KANSL3: variants seen among roughly 807,000 people sequenced by gnomAD.
KANSL3 encodes NSL complex protein NSL3.
Under a neutral mutation model 89.2 loss-of-function variants are expected in KANSL3, and 16 were observed. That is an observed-to-expected ratio of 0.18 (90% CI 0.12 to 0.27). The LOEUF is 0.27. Ranked by LOEUF, KANSL3 falls within the 10% of genes least tolerant of loss-of-function variation. KANSL3 has a pLI of 1.00. For synonymous variants in KANSL3, 385 were observed against 419.7 expected (o/e 0.92, Z 1.01); for missense variants, 879 against 1,110.6 (o/e 0.79, Z 2.96).
chr2:96,600,452 G>A (rs2067017732), intron 20 of KANSL3: 1 of 985,206 alleles, frequency 1.0e-6, no homozygotes, highest in Non-Finnish European at 1.2e-6. Context: ...GCAAAAAAAG[G>A]TAGCTATGAT....
At chr2:96,612,648 T>C (rs1355327219) in intron 7 of KANSL3, 85 bp from the exon 8 acceptor site, 4 of 1,267,602 alleles carry the variant, frequency 3.2e-6, no homozygotes, top group Non-Finnish European at 4.5e-6. Context: ...ACCCAAAACC[T>C]TGGAATTCCA....
intron 20 of KANSL3, chr2:96,600,735 G>A: frequency 1.0e-6 from 1 of 985,416 alleles, no homozygotes; most frequent in African/African-American, 1.7e-5. Context: ...AGAAATATTT[G>A]ACTTGAAAAG....
Position 96,612,345 on chromosome 2 carries a change from G to C in KANSL3, c.1023C>G (p.Ser341Arg), listed in dbSNP as rs376949930. The change falls in exon 9 of 21, where the codon AGC becomes AGG. Residue 341 changes from serine to arginine, a missense_variant. Transcript: ENST00000431828. The part of the protein sequence containing the change: ...AVRSKVLEIH[S>R]HFPHKPIILI... ...AGATAATGGGTTTGTGTGGGAAATG[G>C]CTGTGAATCTTCATGGGAAGAGAAA... The C allele has an allele frequency of 3.7e-6, 6 of 1,613,462 alleles. No individual in the cohort carries two copies. The highest frequency in any genetic ancestry group is 1.7e-5 in the Admixed American group (1 of 60,000).
intron 20 of KANSL3, among the ~76,000 whole-genome samples, chr2:96,598,491 G>C (rs77427837): frequency 6.6e-6 from 1 of 152,090 alleles, no homozygotes; most frequent in South Asian, 2.1e-4. Context: ...TCTTTTGATA[G>C]GGTCTTGTTG....
chr2:96,631,178 TATA>T, intron 3 of KANSL3, 131 bp downstream of exon 3: 1 of 679,618 alleles, frequency 1.5e-6, no homozygotes, highest in South Asian at 1.8e-5. Context: ...AACTGAGAGT[TATA>T]ATGTGAGACT....
chr2:96,618,745 C>G lies in KANSL3; in HGVS notation c.663+614G>C, dbSNP rs114224987. Among the ~76,000 whole-genome samples, 988 of 152,344 alleles carry G rather than the reference C, an allele frequency of 6.5e-3. 5 individuals carry two copies. Among genetic ancestry groups the G allele is most frequent in the Admixed American group, 0.011 (175 of 15,308 alleles). ...CTTACACAGCTAATCAGTAACAAAGCTGAGATCAGCCAGGCAATCTGCCTC... is the reference window on the plus strand; with the variant it reads ...CTTACACAGCTAATCAGTAACAAAGGTGAGATCAGCCAGGCAATCTGCCTC... On this transcript the variant is annotated intron_variant, in intron 5 of 20. Transcript: ENST00000431828.
chr2:96,593,017 G>A (rs1356477529), downstream of KANSL3, among the ~76,000 whole-genome samples: 1 of 151,778 alleles, frequency 6.6e-6, no homozygotes, highest in Non-Finnish European at 1.5e-5. Context: ...AAAAAAAAAG[G>A]AAATTACAGT....
At chr2:96,630,519 A>G (rs2073191811) in intron 3 of KANSL3, among the ~76,000 whole-genome samples, 1 of 152,238 alleles carries the variant, frequency 6.6e-6, no homozygotes, top group South Asian at 2.1e-4. Flanking sequence ...GGACCAGAGA[A>G]GCTGGGAGGA....
At position 96,593,569 on chromosome 2, in the gene KANSL3, A is replaced by T; in HGVS notation, c.*2042T>A. ...GTTGTAGAACAATCCACGTTCTCAC[A>T]GCTCCCCTTCTTCAGTTGTGGAGTT... On this transcript the variant is annotated 3_prime_UTR_variant, in exon 21 of 21. Transcript: ENST00000431828. The T allele has an allele frequency of 3.1e-6, 1 of 319,732 alleles. No homozygotes were observed. The highest frequency in any genetic ancestry group is 2.7e-5 in the South Asian group (1 of 37,378). The allele number at this position is 319,732 out of a possible 1,614,324, so 19.8% of individuals were successfully genotyped here.
intron 20 of KANSL3, among the ~76,000 whole-genome samples, chr2:96,599,075 C>G (rs773421287): frequency 7.5e-4 from 114 of 152,018 alleles, no homozygotes; most frequent in Non-Finnish European, 9.9e-4. Flanking sequence ...CTTCAAGATC[C>G]ATACTATCAA....
chr2:96,582,994 TGTGA>T, the KANSL3 span, among the ~76,000 whole-genome samples: 33 of 152,362 alleles, frequency 2.2e-4, no homozygotes, highest in African/African-American at 7.2e-4. Context: ...CTCTTCTTCC[TGTGA>T]GTATCCCCTC....
chr2:96,624,050 C>T, intron 3 of KANSL3, among the ~76,000 whole-genome samples: 1 of 152,230 alleles, frequency 6.6e-6, no homozygotes, highest in East Asian at 1.9e-4. Context: ...TCTGCTACTT[C>T]ATCAGGATCC....
At chr2:96,601,847 G>A in intron 19 of KANSL3, 71 bp from the exon 20 acceptor site, 1 of 1,477,726 alleles carries the variant, frequency 6.8e-7, no homozygotes, top group Non-Finnish European at 9.0e-7. Flanking sequence ...TTCCTTTCCT[G>A]GAGAGCTTCT....
In KANSL3 at chr2:96,619,645, A is replaced by G. The variant is rs763870697; in HGVS notation, c.477+27T>C. The G allele has an allele frequency of 2.5e-6, 4 of 1,586,308 alleles. No homozygotes were observed. The African/African-American group carries it at 5.4e-5, about 21-fold the overall frequency. ...GTGAGGCCTGAACTACGAAGAGCCCACTGTGGGCGGATTGCTGGTGTCTTA... is the reference window on the plus strand; with the variant it reads ...GTGAGGCCTGAACTACGAAGAGCCCGCTGTGGGCGGATTGCTGGTGTCTTA... On this transcript the variant is annotated intron_variant, in intron 4 of 20. Coordinates refer to ENST00000431828, the MANE Select transcript of KANSL3 (RefSeq NM_001115016.3).
chr2:96,635,970 G>A (rs2074181810), intron 2 of KANSL3, among the ~76,000 whole-genome samples: 1 of 150,970 alleles, frequency 6.6e-6, no homozygotes, highest in Non-Finnish European at 1.5e-5. Flanking sequence ...CTCCAGCCTG[G>A]GCGACAGAGC....
At chr2:96,607,093 A>C in intron 14 of KANSL3, 1 of 1,166,256 alleles carries the variant, frequency 8.6e-7, no homozygotes, top group Non-Finnish European at 1.1e-6. Flanking sequence ...CAGCCAGAGA[A>C]GGGAGAAAAA....
chr2:96,627,360 G>A (rs1440409125), intron 3 of KANSL3, among the ~76,000 whole-genome samples: 3 of 152,128 alleles, frequency 2.0e-5, no homozygotes, highest in East Asian at 1.9e-4. Flanking sequence ...GATTACAGGC[G>A]TTTGCCACCA....
chr2:96,617,141 C>G (rs374419268), intron 5 of KANSL3, among the ~76,000 whole-genome samples: 2 of 152,262 alleles, frequency 1.3e-5, no homozygotes, highest in African/African-American at 4.8e-5. Flanking sequence ...CTCTACCTGC[C>G]CACCACTCAC....
intron 20 of KANSL3, among the ~76,000 whole-genome samples, chr2:96,597,925 A>C (rs1365256973): frequency 6.6e-6 from 1 of 152,096 alleles, no homozygotes; most frequent in Non-Finnish European, 1.5e-5. Context: ...TAAGATGAAA[A>C]CTAATCTCAT....
Sources: gnomAD v4.1 joint callset for allele counts (sites outside exome capture counted in the v4.1 genomes callset) on GRCh38, gnomAD v4.1.1 for gene constraint, MANE v1.5 for transcripts, NCBI Gene and HGNC (gene_info 2026-07-23, HGNC 2026-07-21) for gene names.